The following FLOT1 variants were observed in gnomAD, a reference collection of about 807,000 sequenced individuals.
FLOT1 encodes the protein flotillin-1.
In FLOT1, 40 loss-of-function variants were observed where a neutral mutation model predicts 58.4. The ratio of observed to expected loss-of-function variants is 0.69; its 90% CI spans 0.53 to 0.89. The LOEUF (loss-of-function observed/expected upper bound fraction) is 0.89, where lower values mean the gene tolerates loss of function less well. Among genes scored for constraint, FLOT1 ranks in the 40% least tolerant of loss-of-function variants. The pLI, the probability that FLOT1 is intolerant of heterozygous loss-of-function variation, is 0.00. For synonymous variants in FLOT1, 178 were observed against 204.2 expected (o/e 0.87, Z 1.09); for missense variants, 423 against 540.8 (o/e 0.78, Z 2.16).
chr6:30,731,170 G>C, intron 8 of FLOT1, 70 bp from the exon 9 acceptor site: 2 of 1,452,730 alleles, frequency 1.4e-6, no homozygotes, highest in Non-Finnish European at 1.9e-6. Context: ...GGGAACCAGA[G>C]CTCCAGAGTG....
In FLOT1 at chr6:30,742,298, A is replaced by T. The variant is rs1778059621; in HGVS notation, c.-14-95T>A. 2 of 1,065,890 alleles carry T rather than the reference A, an allele frequency of 1.9e-6. No individual in the cohort carries two copies. Among genetic ancestry groups the T allele is most frequent in the Non-Finnish European group, 2.9e-6 (2 of 686,018 alleles). 66.0% of individuals were successfully genotyped at this position (1,065,890 alleles called of 1,614,324 possible). ...TTTCCCTTTCCCGTCAGGCCCTCCC[A>T]GTCTGCATCCGCCACGGCCCGTCCC... On this transcript the variant is annotated intron_variant, in intron 1 of 12. Coordinates refer to ENST00000376389, the MANE Select transcript of FLOT1 (RefSeq NM_005803.4). This position sits in a 1 kb window ranked among gnomAD's most constrained non-coding sequence, Gnocchi z 5.2.
rs1778025945 is a variant in FLOT1, at chr6:30,741,981, G to A, written c.44-114C>T. 5.8e-6 allele frequency: 7 copies of A among 1,197,462 alleles called. No homozygotes were observed. The highest frequency in any genetic ancestry group is 8.6e-6 in the Non-Finnish European group (7 of 818,102). 74.2% of individuals were successfully genotyped at this position (1,197,462 alleles called of 1,614,324 possible). Reference sequence around the variant, plus strand: ...AGGAGAGAATCTGGGAGCTGGAGGGGAAGCAGTCTGGGCCTTGGAATGGTG... The same window carrying A: ...AGGAGAGAATCTGGGAGCTGGAGGGAAAGCAGTCTGGGCCTTGGAATGGTG... On this transcript the variant is annotated intron_variant, in intron 2 of 12. Coordinates refer to ENST00000376389, the MANE Select transcript of FLOT1 (RefSeq NM_005803.4). This position sits in a 1 kb window ranked among gnomAD's most constrained non-coding sequence, Gnocchi z 5.9.
rs1298103754 is a variant in FLOT1 at position 30,737,226 on chromosome 6, G to GTCCATCCA, written c.723+2931_723+2932insTGGATGGA. Among the ~76,000 whole-genome samples, 6 of 139,716 alleles carry GTCCATCCA rather than the reference G, an allele frequency of 4.3e-5. No homozygotes were observed. The East Asian group carries it at 6.4e-4, about 15-fold the overall frequency. 91.7% of individuals were successfully genotyped at this position (139,716 alleles called of 152,430 possible). The stretch of plus-strand genomic sequence containing the variant: ...CTGTCTGTCGTCCGTCCGTCCGTCC[G>GTCCATCCA]TCCGTCCGTCCGTCCGTCCGTCCAT... On this transcript the variant is annotated intron_variant, in intron 8 of 12. Transcript: ENST00000376389. The surrounding 1 kb of genome is among the most constrained non-coding windows in gnomAD (Gnocchi z 4.4).
Position 30,737,230 on chromosome 6 carries a change from G to GTCCATCCATCCATCCATCCA in FLOT1, c.723+2927_723+2928insTGGATGGATGGATGGATGGA, listed in dbSNP as rs1191258584. On this transcript the variant is annotated intron_variant, in intron 8 of 12. Transcript: ENST00000376389. The surrounding 1 kb of genome is among the most constrained non-coding windows in gnomAD (Gnocchi z 4.4). ...CTGTCGTCCGTCCGTCCGTCCGTCC[G>GTCCATCCATCCATCCATCCA]TCCGTCCGTCCGTCCGTCCATCCGT... 7.3e-6 allele frequency among the ~76,000 whole-genome samples: 1 copy of GTCCATCCATCCATCCATCCA among 136,592 alleles called. No individual in the cohort carries two copies. The highest frequency in any genetic ancestry group is 3.0e-5 in the African/African-American group (1 of 33,462). 89.6% of individuals were successfully genotyped at this position (136,592 alleles called of 152,430 possible).
chr6:30,728,077 C>A lies in FLOT1; in HGVS notation c.*39G>T, dbSNP rs1403569177. ...TGCAACAGGAGGATCATTCAGGCAA[C>A]TTCAGCTATGAGGCTGGGCATCTGT... On this transcript the variant is annotated 3_prime_UTR_variant, in exon 13 of 13. Transcript: ENST00000376389. The A allele has an allele frequency of 6.2e-7, 1 of 1,606,964 alleles. No individual in the cohort carries two copies. The highest frequency in any genetic ancestry group is 8.5e-7 in the Non-Finnish European group (1 of 1,174,528).
In FLOT1 at chr6:30,733,342, C is replaced by T. The variant is rs576786785; in HGVS notation, c.724-2242G>A. 2.0e-5 allele frequency among the ~76,000 whole-genome samples: 3 copies of T among 152,282 alleles called. No individual in the cohort carries two copies. The East Asian group carries it at 5.8e-4, about 29-fold the overall frequency. ...TTAGCCACTGCACCCGGCCTCTACC[C>T]TTCTATTTTAATACCAGTTAGGCTG... On this transcript the variant is annotated intron_variant, in intron 8 of 12. Transcript: ENST00000376389.
intron 12 of FLOT1, 23 bp from the exon 13 acceptor site, chr6:30,728,168 T>G (rs761012931): frequency 1.2e-6 from 2 of 1,612,214 alleles, no homozygotes; most frequent in Admixed American, 3.3e-5. Flanking sequence ...CAACAGTAGA[T>G]GACACTTGGG....
rs1562196285 is a variant in FLOT1 at position 30,741,306 on chromosome 6, T to C, written c.238A>G (p.Met80Val). The change falls in exon 5 of 13, where the codon ATG becomes GTG. Residue 80 changes from methionine to valine, a missense_variant. By Grantham distance (21) the Met-to-Val change is conservative (BLOSUM62 1). Coordinates refer to ENST00000376389, the MANE Select transcript of FLOT1 (RefSeq NM_005803.4). This position sits in a 1 kb window ranked among gnomAD's most constrained non-coding sequence, Gnocchi z 5.9. ...QVKIQGQNKE[M>V]LAAACQMFLG... ...AACATCTGACAGGCGGCCGCCAACA[T>C]CTCCTTGTTCTGCCCCTGGATTTTT... 6.2e-7 allele frequency: 1 copy of C among 1,612,964 alleles called. No homozygotes were observed. Among genetic ancestry groups the C allele is most frequent in the East Asian group, 2.2e-5 (1 of 44,878 alleles).
At chr6:30,731,151 C>A in intron 8 of FLOT1, 51 bp from the exon 9 acceptor site, 2 of 1,522,552 alleles carry the variant, frequency 1.3e-6, no homozygotes, top group Non-Finnish European at 8.8e-7. Flanking sequence ...AGGTGAAGAG[C>A]AAGTGCCCGG....
In FLOT1 at chr6:30,741,656, G is replaced by A. The variant is rs1383748060; in HGVS notation, c.168C>T (p.Tyr56=). 2 of 1,612,804 alleles carry A rather than the reference G, an allele frequency of 1.2e-6. No homozygotes were observed. The highest frequency in any genetic ancestry group is 1.3e-5 in the African/African-American group (1 of 74,920). The change falls in exon 4 of 13, where the codon TAC becomes TAT. Residue 56 remains tyrosine (Y), a synonymous_variant. Coordinates refer to ENST00000376389, the MANE Select transcript of FLOT1 (RefSeq NM_005803.4). This position sits in a 1 kb window ranked among gnomAD's most constrained non-coding sequence, Gnocchi z 5.9. ...CTGAGATGGGGACCCCATGGCGAGT[G>A]TAAACCTTTTCACTCTTGACATTGA... is the stretch of plus-strand genomic sequence containing the variant. The part of the protein sequence containing the change: ...LTLNVKSEKV[Y]TRHGVPISVT...
In FLOT1 at chr6:30,741,795, T is replaced by C; in HGVS notation, c.116A>G (p.Gln39Arg). Residue 39 changes from glutamine (Q) to arginine (R), a missense_variant, in exon 3 of 13, where the codon CAG becomes CGG. Physicochemically the swap from Gln to Arg is conservative, Grantham distance 43. This residue lies in a region of FLOT1 where 91 missense variants were observed against 118.3 expected (regional missense o/e 0.77). Coordinates refer to ENST00000376389, the MANE Select transcript of FLOT1 (RefSeq NM_005803.4). This position sits in a 1 kb window ranked among gnomAD's most constrained non-coding sequence, Gnocchi z 5.9. ...VFVLPCIQQI[Q>R]RISLNTLTLN... Reference sequence around the variant, plus strand: ...CCCTGGTTCCCTTCTTGCCTACCTCTGGATCTGTTGGATGCAGGGCAGGAC... The same window carrying C: ...CCCTGGTTCCCTTCTTGCCTACCTCCGGATCTGTTGGATGCAGGGCAGGAC... 6.2e-7 allele frequency: 1 copy of C among 1,613,012 alleles called. No individual in the cohort carries two copies. The highest frequency in any genetic ancestry group is 2.2e-5 in the East Asian group (1 of 44,880).
intron 12 of FLOT1, among the ~76,000 whole-genome samples, chr6:30,728,907 C>T (rs1253787892): frequency 6.6e-6 from 1 of 151,040 alleles, no homozygotes; most frequent in Non-Finnish European, 1.5e-5. Context: ...TCAGCCTCCC[C>T]AGCAGCTGGG....
At chr6:30,739,658 G>A (rs988996478) in intron 8 of FLOT1, among the ~76,000 whole-genome samples, 18 of 133,456 alleles carry the variant, frequency 1.3e-4, no homozygotes, top group African/African-American at 4.0e-4. Context: ...ATGAGCCACC[G>A]CGCGTGGCCT....
intron 8 of FLOT1, among the ~76,000 whole-genome samples, chr6:30,731,334 A>G (rs1226240979): frequency 6.6e-6 from 1 of 151,936 alleles, no homozygotes; most frequent in Non-Finnish European, 1.5e-5. Flanking sequence ...AAATACAAAA[A>G]ATTAGCCAGG....
chr6:30,739,060 T>C (rs1300821455), intron 8 of FLOT1, among the ~76,000 whole-genome samples: 1 of 152,236 alleles, frequency 6.6e-6, no homozygotes, highest in Admixed American at 6.5e-5. Context: ...AGATCAACTA[T>C]ACTTCCTGGC....
Position 30,741,109 on chromosome 6 carries a change from C to A in FLOT1, c.354+81G>T, listed in dbSNP as rs1777946699. 2.6e-6 allele frequency: 4 copies of A among 1,521,036 alleles called. No individual in the cohort carries two copies. The highest frequency in any genetic ancestry group is 3.6e-6 in the Non-Finnish European group (4 of 1,107,558). 94.2% of individuals were successfully genotyped at this position (1,521,036 alleles called of 1,614,324 possible). A position where few individuals can be genotyped will look rare whatever the true frequency, so the allele number is the denominator to read the frequency against. On this transcript the variant is annotated intron_variant, in intron 5 of 12. Transcript: ENST00000376389. The surrounding 1 kb of genome is among the most constrained non-coding windows in gnomAD (Gnocchi z 5.9). The stretch of plus-strand genomic sequence containing the variant: ...GCCGGGATGTATGCTCTTGGATCCA[C>A]TGTCTCTCACAGACTAGTGTGGGCC...
At position 30,737,119 on chromosome 6, in the gene FLOT1, C is replaced by T. The variant is rs1169066242; in HGVS notation, c.723+3039G>A. Among the ~76,000 whole-genome samples the T allele has an allele frequency of 6.6e-6, 1 of 152,036 alleles. No individual in the cohort carries two copies. The highest frequency in any genetic ancestry group is 2.4e-5 in the African/African-American group (1 of 41,372). On this transcript the variant is annotated intron_variant, in intron 8 of 12. Transcript: ENST00000376389. This position sits in a 1 kb window ranked among gnomAD's most constrained non-coding sequence, Gnocchi z 4.4. ...CCAGCGCCCCCAGATCAGAAACCTC[C>T]TTTCTGACTCCACCTCACAGCCTTT...
chr6:30,731,624 G>C (rs921252565), intron 8 of FLOT1, among the ~76,000 whole-genome samples: 1 of 152,086 alleles, frequency 6.6e-6, no homozygotes, highest in Non-Finnish European at 1.5e-5. Flanking sequence ...CCCTTCTAGA[G>C]TATAAATACC....
chr6:30,730,974 G>A lies in FLOT1; in HGVS notation c.850C>T (p.Arg284Trp). The change falls in exon 9 of 13, where the codon CGG becomes TGG. Residue 284 changes from arginine (R) to tryptophan (W), a missense_variant. Coordinates refer to ENST00000376389, the MANE Select transcript of FLOT1 (RefSeq NM_005803.4). ...TAGCGCTCCGCTTCCGCTGGCTTCC[G>A]CACCCGGGCCTCCAGCTCCTTCTCC... ...RREKELEARV[R>W]KPAEAERYKL... The A allele has an allele frequency of 1.2e-6, 2 of 1,613,840 alleles. No individual in the cohort carries two copies. Among genetic ancestry groups the A allele is most frequent in the Non-Finnish European group, 1.7e-6 (2 of 1,179,946 alleles).
Sources: allele counts gnomAD v4.1 joint callset (sites outside exome capture counted in the v4.1 genomes callset), GRCh38; gene constraint gnomAD v4.1.1; regional missense constraint gnomAD v4.1.1; non-coding constraint Gnocchi (gnomAD v3.1); transcripts MANE v1.5; gene names NCBI Gene and HGNC (gene_info 2026-07-23, HGNC 2026-07-21).